The following ATAD2 variants were observed in gnomAD, a reference collection of about 807,000 sequenced individuals.
ATAD2 encodes the protein ATPase family AAA domain-containing protein 2.
ATAD2 carries 62 observed loss-of-function variants against 168.9 expected under a neutral mutation model. That is an observed-to-expected ratio of 0.37 (90% CI 0.30 to 0.45). The LOEUF (loss-of-function observed/expected upper bound fraction) is 0.45, where lower values mean the gene tolerates loss of function less well. Among genes scored for constraint, ATAD2 ranks in the 20% least tolerant of loss-of-function variants. The pLI is 1.00. For synonymous variants in ATAD2, 613 were observed against 571.6 expected (o/e 1.07, Z -1.03); for missense variants, 1,419 against 1,667.8 (o/e 0.85, Z 2.60).
chr8:123,397,361 A>G (rs956203014), upstream of ATAD2, among the ~76,000 whole-genome samples: 11 of 152,194 alleles, frequency 7.2e-5, no homozygotes, highest in African/African-American at 2.4e-4. Flanking sequence ...TGTACATATA[A>G]TCGGAAAGTA....
Position 123,369,118 on chromosome 8 carries a change from C to G in ATAD2, c.989G>C (p.Arg330Thr), listed in dbSNP as rs1329896425. 4 of 1,596,310 alleles carry G rather than the reference C, an allele frequency of 2.5e-6. No homozygotes were observed. The highest frequency in any genetic ancestry group is 3.4e-6 in the Non-Finnish European group (4 of 1,168,940). ...IFYSGPASPA[R>T]PRYRLSSAGP... Reference sequence around the variant, plus strand: ...TGCGGAAGATAATCGGTATCTTGGTCTTGCAGGAGAAGCTGGGCCACTATA... The same window carrying G: ...TGCGGAAGATAATCGGTATCTTGGTGTTGCAGGAGAAGCTGGGCCACTATA... Residue 330 changes from arginine to threonine, a missense_variant, in exon 8 of 28, where the codon AGA (arginine) becomes ACA (threonine). This residue lies in a region of ATAD2 where 419 missense variants were observed against 423.5 expected (regional missense o/e 0.99). Transcript: ENST00000287394.
chr8:123,412,420 T>C (rs542553455), intron 1 of ATAD2, among the ~76,000 whole-genome samples: 3 of 152,268 alleles, frequency 2.0e-5, no homozygotes, highest in East Asian at 3.9e-4. Context: ...AATTATGTAG[T>C]TTTTTTAAGT....
intron 8 of ATAD2, among the ~76,000 whole-genome samples, chr8:123,362,279 A>C (rs2129666048): frequency 6.7e-6 from 1 of 148,900 alleles, no homozygotes; most frequent in Middle Eastern, 3.4e-3. Flanking sequence ...CTGGGTGACA[A>C]AGTAAGCCCC....
intron 27 of ATAD2, 40 bp from the exon 28 acceptor site, chr8:123,321,215 A>G: frequency 6.5e-7 from 1 of 1,528,948 alleles, no homozygotes; most frequent in Non-Finnish European, 9.0e-7. Context: ...AAGTTTCAAT[A>G]TGGAATAAGC....
At chr8:123,377,088 T>G (rs1441960585) in intron 2 of ATAD2, among the ~76,000 whole-genome samples, 1 of 1,206 alleles carries the variant, frequency 8.3e-4, no homozygotes. Context: ...TGAGACTCCG[T>G]CTCAAAAAAA....
At chr8:123,367,283 G>A (rs1435941102) in intron 8 of ATAD2, among the ~76,000 whole-genome samples, 1 of 152,106 alleles carries the variant, frequency 6.6e-6, no homozygotes, top group Non-Finnish European at 1.5e-5. Flanking sequence ...GGGGCATGGT[G>A]GCAGACGCCT....
chr8:123,392,619 T>TA (rs551339872), intron 1 of ATAD2, among the ~76,000 whole-genome samples: 2,484 of 136,148 alleles, frequency 0.018, 45 homozygotes, highest in African/African-American at 0.049. Flanking sequence ...TAAAATAATG[T>TA]AAAAAAAAAA....
chr8:123,360,958 TGAAAA>T (rs1322602887), intron 9 of ATAD2, among the ~76,000 whole-genome samples: 15 of 149,084 alleles, frequency 1.0e-4, no homozygotes, highest in Non-Finnish European at 1.9e-4. Flanking sequence ...AAAAAATACA[TGAAAA>T]GAAAAGGTTA....
At chr8:123,382,233 T>C (rs892425959) in intron 1 of ATAD2, among the ~76,000 whole-genome samples, 4 of 152,222 alleles carry the variant, frequency 2.6e-5, no homozygotes, top group Non-Finnish European at 5.9e-5. Context: ...TTGTCGAATG[T>C]TGTTTTATCA....
At chr8:123,364,409 TCC>T (rs1168245643) in intron 8 of ATAD2, among the ~76,000 whole-genome samples, 1 of 152,012 alleles carries the variant, frequency 6.6e-6, no homozygotes, top group Non-Finnish European at 1.5e-5. Flanking sequence ...GAGGGAATCC[TCC>T]CCAAATCATT....
chr8:123,402,338 A>C lies in ATAD2; in HGVS notation c.-2281-1163T>G. Among the ~76,000 whole-genome samples, 1 of 152,084 alleles carries C rather than the reference A, an allele frequency of 6.6e-6. No individual in the cohort carries two copies. Among genetic ancestry groups the C allele is most frequent in the Non-Finnish European group, 1.5e-5 (1 of 67,954 alleles). On this transcript the variant is annotated intron_variant, in intron 1 of 28. Coordinates refer to the ATAD2 transcript ENST00000521903. The surrounding 1 kb of genome is among the most constrained non-coding windows in gnomAD (Gnocchi z 4.8). ...CTGCCCTGGGAGGCCCCCAGAGCCCAGCCAGCTGGGCTTTCAGGCCCTACG... is the reference window on the plus strand; with the variant it reads ...CTGCCCTGGGAGGCCCCCAGAGCCCCGCCAGCTGGGCTTTCAGGCCCTACG...
intron 13 of ATAD2, among the ~76,000 whole-genome samples, chr8:123,355,261 A>C (rs1828605150): frequency 6.6e-6 from 1 of 152,192 alleles, no homozygotes; most frequent in South Asian, 2.1e-4. Context: ...CCCACCTATC[A>C]ATCACACACT....
chr8:123,380,213 G>A (rs1351150062), intron 2 of ATAD2, among the ~76,000 whole-genome samples: 10 of 151,824 alleles, frequency 6.6e-5, no homozygotes, highest in South Asian at 4.2e-4. Context: ...CACTACACCC[G>A]GCTAATTATT....
Position 123,404,869 on chromosome 8 carries a change from T to C in ATAD2, c.-2281-3694A>G, listed in dbSNP as rs556207627. 1.1e-4 allele frequency among the ~76,000 whole-genome samples: 17 copies of C among 152,348 alleles called. 1 individual carries two copies. The East Asian group carries it at 2.5e-3, about 22-fold the overall frequency. ...CTTTCTCTCATAAGGACGTCAGTCA[T>C]TGAACTATTTAGAGCACACCCTGAA... On this transcript the variant is annotated intron_variant, in intron 1 of 28. Coordinates refer to the ATAD2 transcript ENST00000521903.
chr8:123,411,942 T>G (rs889233281), intron 1 of ATAD2, among the ~76,000 whole-genome samples: 1 of 152,160 alleles, frequency 6.6e-6, no homozygotes, highest in Non-Finnish European at 1.5e-5. Context: ...CAGAATAAAC[T>G]GTATGTTTCC....
chr8:123,409,235 A>G (rs191463390), intron 1 of ATAD2, among the ~76,000 whole-genome samples: 29 of 152,312 alleles, frequency 1.9e-4, no homozygotes, highest in Admixed American at 1.9e-3. Flanking sequence ...CACAGCAGTG[A>G]GTCTAATACC....
chr8:123,335,709 G>A (rs1257143237), intron 22 of ATAD2, among the ~76,000 whole-genome samples: 1 of 152,002 alleles, frequency 6.6e-6, no homozygotes, highest in Admixed American at 6.6e-5. Context: ...AAAATGTATG[G>A]GGTGCAAGTG....
rs386360951 is a variant in ATAD2 at position 123,389,960 on chromosome 8, T to TTA, written c.171+6225_171+6226dup. On this transcript the variant is annotated intron_variant, in intron 1 of 27. Transcript: ENST00000287394. ...ATAAGTGGTAGCTATTACTATTATTTTATATATATATATATATATATATAT... is the reference window on the plus strand; with the variant it reads ...ATAAGTGGTAGCTATTACTATTATTTTATATATATATATATATATATATATAT... Among the ~76,000 whole-genome samples the TTA allele has an allele frequency of 8.9e-3, 840 of 94,014 alleles. 17 individuals carry two copies. The highest frequency in any genetic ancestry group is 0.024 in the African/African-American group (647 of 27,224). The allele number at this position is 94,014 out of a possible 152,430, so 61.7% of individuals were successfully genotyped here. A position where few individuals can be genotyped will look rare whatever the true frequency, so the allele number is the denominator to read the frequency against.
At chr8:123,379,728 A>AT (rs1490267895) in intron 2 of ATAD2, among the ~76,000 whole-genome samples, 2 of 151,110 alleles carry the variant, frequency 1.3e-5, no homozygotes, top group Non-Finnish European at 2.9e-5. Flanking sequence ...ATGCCCAGCT[A>AT]TATTTTTTAA....
Sources: allele counts gnomAD v4.1 joint callset (sites outside exome capture counted in the v4.1 genomes callset), GRCh38; gene constraint gnomAD v4.1.1; regional missense constraint gnomAD v4.1.1; non-coding constraint Gnocchi (gnomAD v3.1); transcripts MANE v1.5; gene names NCBI Gene and HGNC (gene_info 2026-07-23, HGNC 2026-07-21).